SRRM1: variants seen among roughly 807,000 people sequenced by gnomAD.
SRRM1 encodes the protein serine and arginine repetitive matrix 1.
Under a neutral mutation model 110.2 loss-of-function variants are expected in SRRM1, and 19 were observed. The observed-to-expected ratio is 0.17, with a 90% CI of 0.12 to 0.25. The LOEUF (loss-of-function observed/expected upper bound fraction) is 0.25, where lower values mean the gene tolerates loss of function less well. SRRM1 is among the 10% of genes least tolerant of loss of function. The probability of loss-of-function intolerance (pLI) is 1.00; values close to 1 mark genes in which losing one functional copy is unlikely to be tolerated. For synonymous variants in SRRM1, 443 were observed against 414.9 expected, an observed-to-expected ratio of 1.07 and a Z score of -0.82; for missense variants, 918 against 1,145.8, an observed-to-expected ratio of 0.80 and a Z score of 2.87.
At chr1:24,654,556 G>A (rs1478016622) in intron 8 of SRRM1, among the ~76,000 whole-genome samples, 2 of 152,122 alleles carry the variant, frequency 1.3e-5, no homozygotes, top group African/African-American at 4.8e-5. Flanking sequence ...CCATTCCTAA[G>A]GCAGAAGGAC....
At chr1:24,666,781 G>A in intron 12 of SRRM1, 34 bp from the exon 13 acceptor site, 1 of 1,576,136 alleles carries the variant, frequency 6.3e-7, no homozygotes, top group Non-Finnish European at 8.7e-7. Flanking sequence ...ACAAAAAAAA[G>A]AAAAAAAATT....
At position 24,660,718 on chromosome 1, in the gene SRRM1, G is replaced by T; in HGVS notation, c.1316-1G>T. 1 of 1,539,946 alleles carries T rather than the reference G, an allele frequency of 6.5e-7. No homozygotes were observed. Among genetic ancestry groups the T allele is most frequent in the East Asian group, 2.3e-5 (1 of 42,894 alleles). ...TTTTTTCCACTCTTATTCTTTTTTA[G>T]TGACAAAACATAAAGGTACTGAGAA... On this transcript the variant is annotated splice_acceptor_variant, in intron 9 of 16. Coordinates refer to ENST00000323848, the MANE Select transcript of SRRM1 (RefSeq NM_005839.4). LOFTEE classifies it high-confidence loss of function.
chr1:24,666,017 A>G (rs1669810580), intron 12 of SRRM1, among the ~76,000 whole-genome samples: 1 of 152,186 alleles, frequency 6.6e-6, no homozygotes, highest in African/African-American at 2.4e-5. Flanking sequence ...TTTCTGTATT[A>G]GAGTCTCTAA....
intron 15 of SRRM1, among the ~76,000 whole-genome samples, 182 bp downstream of exon 15, chr1:24,670,497 C>T (rs75482982): frequency 6.7e-6 from 1 of 149,526 alleles, no homozygotes; most frequent in Admixed American, 6.6e-5. Flanking sequence ...AGGTGTCCAT[C>T]TGTTTTTTGT....
chr1:24,651,377 T>C (rs748256665), intron 5 of SRRM1, 32 bp from the exon 6 acceptor site: 2 of 1,584,414 alleles, frequency 1.3e-6, no homozygotes, highest in Admixed American at 3.4e-5. Context: ...CCATGTTATT[T>C]AAAAACCTGA....
chr1:24,643,444 G>A (rs1654894762), intron 1 of SRRM1, 97 bp downstream of exon 1: 4 of 1,063,238 alleles, frequency 3.8e-6, no homozygotes, highest in Non-Finnish European at 5.1e-6. Context: ...AGCGAGGGGA[G>A]CTTCGGAGAT....
rs1055604654 is a variant in SRRM1, at chr1:24,660,792, T to G, written c.1389T>G (p.Ser463=). The G allele has an allele frequency of 1.3e-6, 2 of 1,593,022 alleles. No individual in the cohort carries two copies. Among genetic ancestry groups the G allele is most frequent in the Non-Finnish European group, 1.7e-6 (2 of 1,171,128 alleles). ...PAPKPRKVEL[S]ESEEDKGGKM... The stretch of plus-strand genomic sequence containing the variant: ...CGAAGCCTAGAAAAGTAGAGTTATC[T>G]GAATCGGGTAAGTTTGTTGTTTTTT... Residue 463 remains serine, a synonymous_variant, in exon 10 of 17, where the codon TCT becomes TCG. Transcript: ENST00000323848.
intron 12 of SRRM1, 30 bp downstream of exon 12, chr1:24,662,834 G>C (rs371180088): frequency 6.8e-6 from 11 of 1,609,710 alleles, no homozygotes; most frequent in Non-Finnish European, 9.3e-6. Flanking sequence ...GATGTTCACT[G>C]ATGTTCTGTA....
In SRRM1 at chr1:24,664,010, T is replaced by TG. The variant is rs1415730808; in HGVS notation, c.1628+1207dup. ...CTCTTTTTTTTTTTTTTTTTTTTTT[T>TG]GTTGAGATGGAGTCTGGCTCTATCA... On this transcript the variant is annotated intron_variant, in intron 12 of 16. Coordinates refer to ENST00000323848, the MANE Select transcript of SRRM1 (RefSeq NM_005839.4). Among the ~76,000 whole-genome samples, 578 of 134,748 alleles carry TG rather than the reference T, an allele frequency of 4.3e-3. 3 individuals carry two copies. The highest frequency in any genetic ancestry group is 6.8e-3 in the Non-Finnish European group (431 of 63,514). The allele number at this position is 134,748 out of a possible 152,430, so 88.4% of individuals were successfully genotyped here. A position where few individuals can be genotyped will look rare whatever the true frequency, so the allele number is the denominator to read the frequency against.
intron 6 of SRRM1, among the ~76,000 whole-genome samples, chr1:24,652,033 T>TATATATATATATATAC (rs1661089646): frequency 1.0e-5 from 1 of 98,994 alleles, no homozygotes; most frequent in South Asian, 3.2e-4. Context: ...ACTAAAAATA[T>TATATATATATATATAC]ATATATATAT....
At chr1:24,672,151 G>T (rs1226981950) in intron 16 of SRRM1, 31 bp from the exon 17 acceptor site, 2 of 1,547,910 alleles carry the variant, frequency 1.3e-6, no homozygotes, top group South Asian at 2.3e-5. Flanking sequence ...AGGGTCTCAA[G>T]ACTTAACCGT....
At position 24,670,243 on chromosome 1, in the gene SRRM1, G is replaced by A. The variant is rs777621334; in HGVS notation, c.2328G>A (p.Pro776=). Residue 776 remains proline (P), a synonymous_variant, in exon 15 of 17, where the codon CCG becomes CCA. Transcript: ENST00000323848. The part of the protein sequence containing the change: ...APPSPVQSQS[P]STNWSPAVPV... Reference sequence around the variant, plus strand: ...CATCCCCCGTCCAGTCTCAGTCACCGTCTACAAACTGGTCACCAGCTGTAC... The same window carrying A: ...CATCCCCCGTCCAGTCTCAGTCACCATCTACAAACTGGTCACCAGCTGTAC... 14 of 1,614,094 alleles carry A rather than the reference G, an allele frequency of 8.7e-6. No individual in the cohort carries two copies. The highest frequency in any genetic ancestry group is 2.7e-5 in the African/African-American group (2 of 75,014).
intron 13 of SRRM1, among the ~76,000 whole-genome samples, chr1:24,668,706 G>T (rs1287581767): frequency 6.6e-6 from 1 of 152,138 alleles, no homozygotes; most frequent in East Asian, 1.9e-4. Context: ...TCTTTAAAGT[G>T]CAGACTTCCT....
In SRRM1 at chr1:24,652,029, A is replaced by AATATATATATATATATATAT. The variant is rs1215778545; in HGVS notation, c.726-390_726-371dup. 7.5e-3 allele frequency among the ~76,000 whole-genome samples: 600 copies of AATATATATATATATATATAT among 79,716 alleles called. 14 individuals carry two copies. Among genetic ancestry groups the AATATATATATATATATATAT allele is most frequent in the Non-Finnish European group, 0.011 (416 of 39,030 alleles). 52.3% of individuals were successfully genotyped at this position (79,716 alleles called of 152,430 possible). A position where few individuals can be genotyped will look rare whatever the true frequency, so the allele number is the denominator to read the frequency against. On this transcript the variant is annotated intron_variant, in intron 6 of 16. Coordinates refer to ENST00000323848, the MANE Select transcript of SRRM1 (RefSeq NM_005839.4). ...ATGGTGAAACTCCATCTGTACTAAA[A>AATATATATATATATATATAT]ATATATATATATATATATATATATA...
At position 24,671,495 on chromosome 1, in the gene SRRM1, TGGCTGCAGC is replaced by T. The variant is rs1557758911; in HGVS notation, c.2511_2519del (p.Ala842_Ala844del). ...AAAAAACACAAGAAGGAAAAGGCTG[TGGCTGCAGC>T]TGCTGCAGCTGCTGTGACCCCTGCA... On this transcript the variant is annotated inframe_deletion, in exon 16 of 17. Coordinates refer to ENST00000323848, the MANE Select transcript of SRRM1 (RefSeq NM_005839.4). 6.2e-7 allele frequency: 1 copy of T among 1,612,976 alleles called. No individual in the cohort carries two copies. Among genetic ancestry groups the T allele is most frequent in the Non-Finnish European group, 8.5e-7 (1 of 1,179,614 alleles).
intron 3 of SRRM1, chr1:24,647,726 T>C (rs952737679): frequency 2.0e-5 from 3 of 152,668 alleles, no homozygotes; most frequent in African/African-American, 4.8e-5. Flanking sequence ...TAAAATAATT[T>C]GGTGTTTGTA....
intron 9 of SRRM1, among the ~76,000 whole-genome samples, chr1:24,658,208 A>ATTTTTTTT (rs573100578): frequency 6.5e-5 from 9 of 137,514 alleles, no homozygotes; most frequent in African/African-American, 2.3e-4. Flanking sequence ...GATGGTATAA[A>ATTTTTTTT]TTTTTTTTTT....
At chr1:24,664,177 G>A (rs1374690781) in intron 12 of SRRM1, among the ~76,000 whole-genome samples, 1 of 151,846 alleles carries the variant, frequency 6.6e-6, no homozygotes, top group African/African-American at 2.4e-5. Context: ...TGTATTTTTA[G>A]TAGAGAAGGG....
intron 5 of SRRM1, 44 bp from the exon 6 acceptor site, chr1:24,651,365 A>G (rs1016307458): frequency 1.3e-6 from 2 of 1,521,012 alleles, no homozygotes; most frequent in Admixed American, 1.8e-5. Flanking sequence ...CTCTCTTCCA[A>G]TCCATGTTAT....
Sources: allele counts gnomAD v4.1 joint callset (sites outside exome capture counted in the v4.1 genomes callset), GRCh38; gene constraint gnomAD v4.1.1; transcripts MANE v1.5; gene names NCBI Gene and HGNC (gene_info 2026-07-23, HGNC 2026-07-21).